FSIP2: variants seen among roughly 807,000 people sequenced by gnomAD.
FSIP2 encodes the protein fibrous sheath interacting protein 2.
Under a neutral mutation model 510.5 loss-of-function variants are expected in FSIP2, and 367 were observed. That is an observed-to-expected ratio of 0.72 (90% confidence interval 0.66 to 0.78). The LOEUF (loss-of-function observed/expected upper bound fraction) is 0.78. Ranked by LOEUF, FSIP2 falls within the 30% of genes least tolerant of loss-of-function variation. The pLI, the probability that FSIP2 is intolerant of heterozygous loss-of-function variation, is 0.00. For missense variants in FSIP2, 7,594 were observed against 7,901.7 expected (o/e 0.96, Z 1.48); for synonymous variants, 2,601 against 2,732.2 (o/e 0.95, Z 1.50).
At chr2:185,784,152 C>T (rs1052737973) in intron 14 of FSIP2, 2 of 151,912 alleles carry the variant, frequency 1.3e-5, no homozygotes, top group Admixed American at 6.6e-5. Context: ...TTTAATGTTA[C>T]AAAAGATTTA....
Position 185,788,877 on chromosome 2 carries a change from G to A in FSIP2, c.1741G>A (p.Ala581Thr). The A allele has an allele frequency of 1.3e-6, 2 of 1,534,934 alleles. No individual in the cohort carries two copies. Among genetic ancestry groups the A allele is most frequent in the Non-Finnish European group, 1.7e-6 (2 of 1,145,994 alleles). ...YTSATTKTFQ[A>T]EPCAFVVDTS... is the part of the protein sequence containing the mutation. ...ATCTGCAACAACTAAAACATTTCAG[G>A]CAGAACCCTGTGCATTTGTAGTTGA... The change falls in exon 16 of 23, where the codon GCA (alanine) becomes ACA (threonine). Residue 581 changes from alanine to threonine, a missense_variant. Physicochemically the swap from Ala to Thr is moderately conservative, Grantham distance 58. Coordinates refer to ENST00000424728, the MANE Select transcript of FSIP2 (RefSeq NM_173651.4).
At chr2:185,746,573 G>A in intron 5 of FSIP2, 96 bp from the exon 6 acceptor site, 1 of 913,308 alleles carries the variant, frequency 1.1e-6, no homozygotes, top group Non-Finnish European at 1.5e-6. Flanking sequence ...GAAATGAAAG[G>A]CAAGCAAGGA....
In FSIP2 at chr2:185,789,989, T is replaced by C. The variant is rs1693082217; in HGVS notation, c.2853T>C (p.Asn951=). ...TTCAGCTCCATCAGGAACCAGTAAATGAAAGTTTTCAAAAAAGTAGGCAAC... is the reference window on the plus strand; with the variant it reads ...TTCAGCTCCATCAGGAACCAGTAAACGAAAGTTTTCAAAAAAGTAGGCAAC... ...ILFQLHQEPV[N]ESFQKSRQPR... is the part of the protein sequence containing the mutation. Residue 951 remains asparagine, a synonymous_variant, in exon 16 of 23, where the codon AAT becomes AAC. Transcript: ENST00000424728. 6.5e-7 allele frequency: 1 copy of C among 1,533,956 alleles called. No individual in the cohort carries two copies. Among genetic ancestry groups the C allele is most frequent in the African/African-American group, 1.4e-5 (1 of 72,856 alleles).
At chr2:185,824,784 C>A (rs1346385597) in intron 20 of FSIP2, among the ~76,000 whole-genome samples, 1 of 151,776 alleles carries the variant, frequency 6.6e-6, no homozygotes, top group African/African-American at 2.4e-5. Flanking sequence ...CAGTTTATAT[C>A]TGAGCCAGAA....
chr2:185,801,617 C>T lies in FSIP2; in HGVS notation c.12311C>T (p.Ser4104Leu). 1 of 1,531,766 alleles carries T rather than the reference C, an allele frequency of 6.5e-7. No homozygotes were observed. Among genetic ancestry groups the T allele is most frequent in the Non-Finnish European group, 8.7e-7 (1 of 1,144,760 alleles). The allele number at this position is 1,531,766 out of a possible 1,614,324, so 94.9% of individuals were successfully genotyped here. Residue 4104 changes from serine (S) to leucine (L), a missense_variant, in exon 17 of 23, where the codon TCA (serine) becomes TTA (leucine). Physicochemically the swap from Ser to Leu is moderately radical, Grantham distance 145. Coordinates refer to ENST00000424728, the MANE Select transcript of FSIP2 (RefSeq NM_173651.4). ...SCFKEHLIPH[S>L]YYPLKPEIIL... ...TTCAAGGAACATCTCATACCCCATT[C>T]ATATTACCCTCTCAAACCTGAAATT... is the stretch of plus-strand genomic sequence containing the variant.
rs1168578266 is a variant in FSIP2, at chr2:185,804,632, A to G, written c.15326A>G (p.Tyr5109Cys). Residue 5109 changes from tyrosine to cysteine, a missense_variant, in exon 17 of 23, where the codon TAT (tyrosine) becomes TGT (cysteine). Tyr to Cys is a radical substitution (Grantham distance 194). Coordinates refer to ENST00000424728, the MANE Select transcript of FSIP2 (RefSeq NM_173651.4). ...ITKDSHALPP[Y>C]ITVLPHSLLE... ...AAGGATAGCCATGCCTTGCCACCAT[A>G]TATTACTGTGTTGCCTCATTCTCTT... The G allele has an allele frequency of 3.3e-6, 5 of 1,533,146 alleles. No individual in the cohort carries two copies. The Admixed American group carries it at 5.9e-5, about 18-fold the overall frequency. 95.0% of individuals were successfully genotyped at this position (1,533,146 alleles called of 1,614,324 possible).
intron 21 of FSIP2, among the ~76,000 whole-genome samples, 165 bp downstream of exon 21, chr2:185,828,364 C>T (rs1485804420): frequency 6.6e-6 from 1 of 151,768 alleles, no homozygotes; most frequent in Admixed American, 6.6e-5. Flanking sequence ...CTAGCTGAGG[C>T]CTGTCCCTGG....
At chr2:185,784,720 A>AAAAC (rs1692927723) in intron 14 of FSIP2, among the ~76,000 whole-genome samples, 1 of 152,088 alleles carries the variant, frequency 6.6e-6, no homozygotes. Flanking sequence ...AAGACAAGTT[A>AAAAC]AAACACCAAA....
At chr2:185,817,370 C>T (rs564646902) in intron 19 of FSIP2, among the ~76,000 whole-genome samples, 12 of 152,014 alleles carry the variant, frequency 7.9e-5, no homozygotes, top group Non-Finnish European at 1.5e-4. Flanking sequence ...TAAACACCTT[C>T]GGCAGAAATT....
chr2:185,828,398 T>G (rs1458384774), intron 21 of FSIP2, among the ~76,000 whole-genome samples, 199 bp downstream of exon 21: 1 of 151,812 alleles, frequency 6.6e-6, no homozygotes, highest in African/African-American at 2.4e-5. Flanking sequence ...GTTAACAAAA[T>G]CCTTTGGGTT....
rs1263827505 is a variant in FSIP2 at position 185,804,937 on chromosome 2, G to T, written c.15631G>T (p.Asp5211Tyr). 6.5e-7 allele frequency: 1 copy of T among 1,528,288 alleles called. No homozygotes were observed. The highest frequency in any genetic ancestry group is 8.7e-7 in the Non-Finnish European group (1 of 1,144,114). 94.7% of individuals were successfully genotyped at this position (1,528,288 alleles called of 1,614,324 possible). A position where few individuals can be genotyped will look rare whatever the true frequency, so the allele number is the denominator to read the frequency against. Residue 5211 changes from aspartate to tyrosine, a missense_variant, in exon 17 of 23, where the codon GAT (aspartate) becomes TAT (tyrosine). Asp to Tyr is a radical substitution (Grantham distance 160, BLOSUM62 -3). Coordinates refer to ENST00000424728, the MANE Select transcript of FSIP2 (RefSeq NM_173651.4). The part of the protein sequence containing the change: ...TSEFQAEVQK[D>Y]ADKKGCSFLS... ...TGAATTCCAAGCTGAAGTACAAAAA[G>T]ATGCAGACAAAAAAGGATGCTCATT... is the stretch of plus-strand genomic sequence containing the variant.
chr2:185,808,280 T>A lies in FSIP2; in HGVS notation c.18974T>A (p.Ile6325Asn). 6.2e-7 allele frequency: 1 copy of A among 1,601,846 alleles called. No individual in the cohort carries two copies. The highest frequency in any genetic ancestry group is 8.5e-7 in the Non-Finnish European group (1 of 1,175,904). The change falls in exon 17 of 23, where the codon ATT becomes AAT. Residue 6325 changes from isoleucine (I) to asparagine (N), a missense_variant. Physicochemically the swap from Ile to Asn is moderately radical, Grantham distance 149. Coordinates refer to ENST00000424728, the MANE Select transcript of FSIP2 (RefSeq NM_173651.4). ...AVKIMEKVIK[I>N]IDELKSKEKS... ...AAAATTATGGAAAAAGTGATCAAAA[T>A]TATTGATGAACTTAAGTCTAAGGAA...
Position 185,809,101 on chromosome 2 carries a change from A to G in FSIP2, c.19795A>G (p.Lys6599Glu). The change falls in exon 17 of 23, where the codon AAG (lysine) becomes GAG (glutamate). Residue 6599 changes from lysine (K) to glutamate (E), a missense_variant. Transcript: ENST00000424728. ...RKTERRTSLD[K>E]TGRLDVKPLE... ...GACAGAAAGACGTACCTCATTGGATAAGACTGGAAGACTGGATGTAAAACC... is the reference window on the plus strand; with the variant it reads ...GACAGAAAGACGTACCTCATTGGATGAGACTGGAAGACTGGATGTAAAACC... 1 of 1,577,444 alleles carries G rather than the reference A, an allele frequency of 6.3e-7. No individual in the cohort carries two copies. The highest frequency in any genetic ancestry group is 8.6e-7 in the Non-Finnish European group (1 of 1,168,128).
intron 20 of FSIP2, among the ~76,000 whole-genome samples, chr2:185,826,057 T>G (rs1348539348): frequency 6.6e-6 from 1 of 151,828 alleles, no homozygotes; most frequent in East Asian, 1.9e-4. Flanking sequence ...GTCATAACAT[T>G]CTGTACAGGC....
At chr2:185,748,596 T>A (rs1692083261) in intron 7 of FSIP2, among the ~76,000 whole-genome samples, 2 of 152,054 alleles carry the variant, frequency 1.3e-5, no homozygotes, top group Non-Finnish European at 2.9e-5. Context: ...TATCTTTGTT[T>A]TCCAGAAGCA....
At chr2:185,759,614 A>G (rs1212187549) in intron 9 of FSIP2, among the ~76,000 whole-genome samples, 1 of 145,862 alleles carries the variant, frequency 6.9e-6, no homozygotes, top group Non-Finnish European at 1.5e-5. Context: ...TATTAATATA[A>G]TGGTCAGTAT....
chr2:185,789,320 T>C lies in FSIP2; in HGVS notation c.2184T>C (p.Ser728=). 1.3e-6 allele frequency: 2 copies of C among 1,534,774 alleles called. No homozygotes were observed. Among genetic ancestry groups the C allele is most frequent in the East Asian group, 2.4e-5 (1 of 40,878 alleles). Residue 728 remains serine, a synonymous_variant, in exon 16 of 23, where the codon TCT becomes TCC. Transcript: ENST00000424728. ...CCCAGGCCATTCCCTCTCTCTCTTC[T>C]GTTACTGCTGAAGTTTTTGTTGAAC... is the stretch of plus-strand genomic sequence containing the variant. ...DLTQAIPSLS[S]VTAEVFVEQC...
In FSIP2 at chr2:185,793,621, T is replaced by C. The variant is rs767976925; in HGVS notation, c.6485T>C (p.Ile2162Thr). ...TTGATATCCAATGATATAGTGAATA[T>C]TGTTCTTCATAATCTCAGTTCTGCT... ...VILISNDIVN[I>T]VLHNLSSAAT... The change falls in exon 16 of 23, where the codon ATT becomes ACT. Residue 2162 changes from isoleucine (I) to threonine (T), a missense_variant. Physicochemically the swap from Ile to Thr is moderately conservative, Grantham distance 89. Transcript: ENST00000424728. 7 of 1,534,334 alleles carry C rather than the reference T, an allele frequency of 4.6e-6. No homozygotes were observed. Among genetic ancestry groups the C allele is most frequent in the South Asian group, 3.6e-5 (3 of 84,024 alleles).
chr2:185,761,787 C>A (rs1289472249), intron 10 of FSIP2, among the ~76,000 whole-genome samples, 185 bp from the exon 11 acceptor site: 1 of 151,196 alleles, frequency 6.6e-6, no homozygotes, highest in Non-Finnish European at 1.5e-5. Context: ...ACTAGTTAAA[C>A]TTGAGATTAT....
Sources: gnomAD v4.1 joint callset for allele counts (sites outside exome capture counted in the v4.1 genomes callset) on GRCh38, gnomAD v4.1.1 for gene constraint, MANE v1.5 for transcripts, NCBI Gene and HGNC (gene_info 2026-07-23, HGNC 2026-07-21) for gene names.